Variants in GDA observed in about 807,000 individuals in gnomAD.
GDA encodes guanine deaminase.
A neutral mutation model predicts 59.6 loss-of-function variants in GDA; 18 were observed. That is an observed-to-expected ratio of 0.30 (90% CI 0.21 to 0.45). The LOEUF (loss-of-function observed/expected upper bound fraction) is 0.45. GDA is among the 20% of genes least tolerant of loss of function. GDA has a pLI of 1.00. For synonymous variants in GDA, 201 were observed against 201.1 expected (o/e 1.00, Z 0.00); for missense variants, 427 against 552.3 (o/e 0.77, Z 2.27).
chr9:72,219,458 C>A (rs1367972705), intron 5 of GDA, 21 bp from the exon 6 acceptor site: 2 of 1,543,136 alleles, frequency 1.3e-6, no homozygotes, highest in Non-Finnish European at 1.8e-6. Context: ...GTTTTCTAAC[C>A]CATTTGTTGC....
chr9:72,135,694 C>T (rs972254790), intron 1 of GDA, among the ~76,000 whole-genome samples: 2 of 151,966 alleles, frequency 1.3e-5, no homozygotes, highest in East Asian at 1.9e-4. Context: ...TTTGGGAGGC[C>T]GAGGTGGGCA....
intron 1 of GDA, among the ~76,000 whole-genome samples, chr9:72,134,931 G>A (rs1299300689): frequency 1.3e-5 from 2 of 152,182 alleles, no homozygotes; most frequent in Admixed American, 6.5e-5. Context: ...ATGGTACTGG[G>A]AAAAGAAGTG....
intron 1 of GDA, among the ~76,000 whole-genome samples, chr9:72,181,347 TTG>T (rs1331970327): frequency 1.3e-5 from 2 of 150,972 alleles, no homozygotes; most frequent in South Asian, 2.2e-4. Context: ...ACAATTTTTT[TTG>T]TGTGTGTCAC....
At chr9:72,245,410 C>T (rs910311228) in intron 12 of GDA, 132 bp downstream of exon 12, 2 of 626,408 alleles carry the variant, frequency 3.2e-6, no homozygotes, top group African/African-American at 1.8e-5. Context: ...ACGCTAGAGC[C>T]CTTTGATAAT....
At chr9:72,230,885 C>T (rs1348809827) in intron 9 of GDA, among the ~76,000 whole-genome samples, 1 of 152,096 alleles carries the variant, frequency 6.6e-6, no homozygotes, top group Non-Finnish European at 1.5e-5. Flanking sequence ...CTGGCTCTTG[C>T]TGCTTTGTGC....
downstream of GDA, chr9:72,252,293 A>G (rs1840758045): frequency 6.6e-6 from 1 of 152,476 alleles, no homozygotes; most frequent in Non-Finnish European, 1.5e-5. Context: ...AGAGGAATTG[A>G]TTTTACAATG....
chr9:72,159,076 C>T (rs986285977), intron 1 of GDA, among the ~76,000 whole-genome samples: 1 of 152,148 alleles, frequency 6.6e-6, no homozygotes, highest in African/African-American at 2.4e-5. Flanking sequence ...CTCTATTGTC[C>T]TAAGGCCCCT....
intron 1 of GDA, among the ~76,000 whole-genome samples, chr9:72,186,929 C>T (rs1033579877): frequency 9.2e-5 from 14 of 152,158 alleles, no homozygotes; most frequent in Non-Finnish European, 1.9e-4. Context: ...CCTCATCCTC[C>T]CTTCTCATGT....
intron 1 of GDA, among the ~76,000 whole-genome samples, chr9:72,164,313 G>T (rs890203133): frequency 6.6e-6 from 1 of 152,188 alleles, no homozygotes; most frequent in African/African-American, 2.4e-5. Context: ...GAAGGCAAGA[G>T]ATGGGGATAC....
At chr9:72,117,746 C>A (rs1456914680) in intron 1 of GDA, among the ~76,000 whole-genome samples, 1 of 152,092 alleles carries the variant, frequency 6.6e-6, no homozygotes. Context: ...AATGGGGCAT[C>A]CACCTCCCAA....
upstream of GDA, among the ~76,000 whole-genome samples, chr9:72,147,052 C>G (rs1448752297): frequency 2.0e-5 from 3 of 152,254 alleles, no homozygotes; most frequent in East Asian, 5.8e-4. Flanking sequence ...CACATAGTAA[C>G]AACATTAAAA....
chr9:72,151,560 C>T (rs1372757657), intron 1 of GDA, among the ~76,000 whole-genome samples: 1 of 151,620 alleles, frequency 6.6e-6, no homozygotes, highest in Non-Finnish European at 1.5e-5. Context: ...CTTTGGAATA[C>T]AGAAATATGT....
chr9:72,255,277 G>A (rs1840858120), downstream of GDA, among the ~76,000 whole-genome samples: 1 of 152,192 alleles, frequency 6.6e-6, no homozygotes, highest in African/African-American at 2.4e-5. Flanking sequence ...TTCTAGCAAA[G>A]GGGTAGTAAC....
intron 1 of GDA, among the ~76,000 whole-genome samples, chr9:72,176,804 C>G (rs978621749): frequency 6.6e-6 from 1 of 152,136 alleles, no homozygotes; most frequent in African/African-American, 2.4e-5. Flanking sequence ...TTTCTCTTCT[C>G]CAGATGAAAT....
At chr9:72,235,056 A>G (rs1446336170) in intron 10 of GDA, among the ~76,000 whole-genome samples, 2 of 152,202 alleles carry the variant, frequency 1.3e-5, no homozygotes, top group East Asian at 1.9e-4. Flanking sequence ...ATGAAGGGCC[A>G]TGGGGGGAAA....
At position 72,248,438 on chromosome 9, in the gene GDA, G is replaced by T; in HGVS notation, c.*96G>T. On this transcript the variant is annotated 3_prime_UTR_variant, in exon 14 of 14. Coordinates refer to ENST00000358399, the MANE Select transcript of GDA (RefSeq NM_004293.5). The stretch of plus-strand genomic sequence containing the variant: ...TTAGAAAGTCAAAAAATAGTACCTT[G>T]TTCTTGGGATGACTATCCCTTTCTG... The T allele has an allele frequency of 6.3e-7, 1 of 1,577,786 alleles. No homozygotes were observed. The highest frequency in any genetic ancestry group is 1.2e-5 in the South Asian group (1 of 85,898).
chr9:72,252,698 G>A (rs1194723068), downstream of GDA, among the ~76,000 whole-genome samples: 3 of 151,840 alleles, frequency 2.0e-5, no homozygotes, highest in African/African-American at 7.3e-5. Flanking sequence ...TTGGTTTCTT[G>A]AGCTTCTAAG....
intron 1 of GDA, among the ~76,000 whole-genome samples, chr9:72,116,582 T>C (rs1825457599): frequency 6.6e-6 from 1 of 151,892 alleles, no homozygotes; most frequent in Non-Finnish European, 1.5e-5. Context: ...GGAGTTTCAC[T>C]ACGTTGGTTG....
chr9:72,205,096 G>A (rs1330021047), intron 3 of GDA, among the ~76,000 whole-genome samples: 1 of 132,142 alleles, frequency 7.6e-6, no homozygotes, highest in Non-Finnish European at 1.6e-5. Flanking sequence ...GGGTGACAGA[G>A]TGAGACTCTG....
Sources: allele counts gnomAD v4.1 joint callset (sites outside exome capture counted in the v4.1 genomes callset), GRCh38; gene constraint gnomAD v4.1.1; transcripts MANE v1.5; gene names NCBI Gene and HGNC (gene_info 2026-07-23, HGNC 2026-07-21).